The following PAPPA variants were observed in gnomAD, a reference collection of about 807,000 sequenced individuals.
PAPPA encodes pappalysin-1.
Under a neutral mutation model 164.0 loss-of-function variants are expected in PAPPA, and 60 were observed. That is an observed-to-expected ratio of 0.37 (90% CI 0.30 to 0.45). The LOEUF (loss-of-function observed/expected upper bound fraction) is 0.45, where lower values mean the gene tolerates loss of function less well. Ranked by LOEUF, PAPPA falls within the 20% of genes least tolerant of loss-of-function variation. The pLI is 1.00. For synonymous variants in PAPPA, 875 were observed against 814.1 expected (o/e 1.07, Z -1.27); for missense variants, 1,782 against 2,087.3 (o/e 0.85, Z 2.85).
At chr9:116,311,760 C>T (rs754823584) in intron 10 of PAPPA, among the ~76,000 whole-genome samples, 7 of 152,152 alleles carry the variant, frequency 4.6e-5, no homozygotes, top group East Asian at 1.9e-4. Flanking sequence ...CTACGTCTTG[C>T]GAGGCATCTA....
chr9:116,380,686 A>ACACACATG (rs1846719736), intron 20 of PAPPA, among the ~76,000 whole-genome samples: 1 of 152,236 alleles, frequency 6.6e-6, no homozygotes, highest in Non-Finnish European at 1.5e-5. Flanking sequence ...ACCTGAACCC[A>ACACACATG]CAGCCATATG....
intron 9 of PAPPA, among the ~76,000 whole-genome samples, chr9:116,295,423 G>A (rs1311319438): frequency 2.0e-5 from 3 of 151,714 alleles, no homozygotes; most frequent in East Asian, 1.9e-4. Context: ...ATGTGGTGGC[G>A]GGTGCCTGTA....
intron 2 of PAPPA, among the ~76,000 whole-genome samples, chr9:116,194,005 T>G (rs1350024349): frequency 6.6e-6 from 1 of 152,118 alleles, no homozygotes; most frequent in African/African-American, 2.4e-5. Flanking sequence ...TGGCCAGACA[T>G]GTAGTGATAA....
intron 9 of PAPPA, among the ~76,000 whole-genome samples, chr9:116,302,037 A>C (rs1218951368): frequency 1.3e-5 from 2 of 152,190 alleles, no homozygotes; most frequent in Non-Finnish European, 2.9e-5. Flanking sequence ...ATGCACTCAG[A>C]ACTTGGAAAG....
intron 7 of PAPPA, among the ~76,000 whole-genome samples, chr9:116,263,201 A>G (rs1469993526): frequency 1.3e-5 from 2 of 152,208 alleles, no homozygotes; most frequent in African/African-American, 4.8e-5. Flanking sequence ...TTTCTGTACT[A>G]ATCAAATATG....
chr9:116,281,521 G>A (rs1261067700), intron 9 of PAPPA, among the ~76,000 whole-genome samples: 1 of 152,080 alleles, frequency 6.6e-6, no homozygotes, highest in Non-Finnish European at 1.5e-5. Flanking sequence ...GGCTAAAAAG[G>A]GTGGCCAGAG....
At chr9:116,303,064 C>A in intron 10 of PAPPA, 114 bp downstream of exon 10, 1 of 758,762 alleles carries the variant, frequency 1.3e-6, no homozygotes, top group Non-Finnish European at 2.1e-6. Flanking sequence ...TTGAGCATAT[C>A]TTTATTAAAT....
chr9:116,231,823 G>A (rs144174532), intron 6 of PAPPA, among the ~76,000 whole-genome samples: 4 of 139,464 alleles, frequency 2.9e-5, no homozygotes, highest in Non-Finnish European at 4.5e-5. Context: ...GTGCAGTGGC[G>A]TAATCTCGGC....
At chr9:116,174,948 T>C (rs2118598096) in intron 1 of PAPPA, among the ~76,000 whole-genome samples, 1 of 152,314 alleles carries the variant, frequency 6.6e-6, no homozygotes, top group East Asian at 1.9e-4. Flanking sequence ...AATTTTTTTC[T>C]CTGCATTTTC....
chr9:116,310,254 G>A (rs149528826), intron 10 of PAPPA, among the ~76,000 whole-genome samples: 106 of 152,310 alleles, frequency 7.0e-4, no homozygotes, highest in African/African-American at 2.5e-3. Flanking sequence ...TTAGTGAAAT[G>A]AGAGAGCCTT....
At chr9:116,337,446 A>C (rs1333231361) in intron 13 of PAPPA, among the ~76,000 whole-genome samples, 3 of 152,198 alleles carry the variant, frequency 2.0e-5, no homozygotes, top group Non-Finnish European at 4.4e-5. Context: ...AATAAGCAAC[A>C]ACTGTAAAGA....
intron 7 of PAPPA, among the ~76,000 whole-genome samples, chr9:116,260,614 A>G (rs112155020): frequency 1.2e-3 from 188 of 152,310 alleles, no homozygotes; most frequent in African/African-American, 4.3e-3. Flanking sequence ...AGAATTTTAA[A>G]TGCTGAAGCA....
chr9:116,305,134 G>GACACACACACACACACACAC (rs57723920), intron 10 of PAPPA, among the ~76,000 whole-genome samples: 5 of 129,864 alleles, frequency 3.9e-5, no homozygotes, highest in Admixed American at 7.8e-5. Context: ...TGGGCACACA[G>GACACACACACACACACACAC]ACACACACAC....
intron 10 of PAPPA, among the ~76,000 whole-genome samples, chr9:116,307,142 CACT>C (rs1255576590): frequency 5.3e-5 from 8 of 152,186 alleles, no homozygotes; most frequent in Non-Finnish European, 7.3e-5. Flanking sequence ...AAGATTCCTG[CACT>C]AGAAGGCAGG....
Position 116,188,050 on chromosome 9 carries a change from G to A in PAPPA, c.1312G>A (p.Gly438Arg), listed in dbSNP as rs1221492857. Residue 438 changes from glycine (G) to arginine (R), a missense_variant, in exon 2 of 22, where the codon GGG (glycine) becomes AGG (arginine). This residue lies in a region of PAPPA where 1,324 missense variants were observed against 1,656.9 expected (regional missense o/e 0.80). Coordinates refer to ENST00000328252, the MANE Select transcript of PAPPA (RefSeq NM_002581.5). ...CCACACGCTGACGGGCCACGACGGC[G>A]GGGATTGCCGCCACCTGCGCCACCC... The part of the protein sequence containing the change: ...CNHTLTGHDG[G>R]DCRHLRHPAF... 3.1e-6 allele frequency: 5 copies of A among 1,614,040 alleles called. No homozygotes were observed. The highest frequency in any genetic ancestry group is 4.2e-6 in the Non-Finnish European group (5 of 1,180,050).
At chr9:116,340,506 C>G (rs998099673) in intron 13 of PAPPA, among the ~76,000 whole-genome samples, 5 of 152,180 alleles carry the variant, frequency 3.3e-5, no homozygotes, top group Non-Finnish European at 5.9e-5. Flanking sequence ...ATATCACTAC[C>G]TCAAGGAGTT....
At position 116,231,544 on chromosome 9, in the gene PAPPA, T is replaced by A. The variant is rs117296829; in HGVS notation, c.2234-3595T>A. 1.2e-3 allele frequency among the ~76,000 whole-genome samples: 177 copies of A among 152,206 alleles called. 3 individuals carry two copies. The East Asian group carries it at 0.032, about 27-fold the overall frequency. ...ACTCTCCTAACTAGTCTTGCAAGAC[T>A]AAAAGCTCCCTGAGAACAGAGATCA... On this transcript the variant is annotated intron_variant, in intron 6 of 21. Transcript: ENST00000328252.
intron 10 of PAPPA, among the ~76,000 whole-genome samples, chr9:116,328,980 T>C (rs762913868): frequency 2.0e-5 from 3 of 152,260 alleles, no homozygotes; most frequent in Non-Finnish European, 2.9e-5. Flanking sequence ...AATAAAAGTA[T>C]TAATGCTTGC....
At position 116,265,872 on chromosome 9, in the gene PAPPA, C is replaced by T; in HGVS notation, c.2748C>T (p.Gly916=). The T allele has an allele frequency of 6.3e-7, 1 of 1,599,816 alleles. No individual in the cohort carries two copies. The highest frequency in any genetic ancestry group is 8.6e-7 in the Non-Finnish European group (1 of 1,168,464). Residue 916 remains glycine, a synonymous_variant, in exon 8 of 22, where the codon GGC becomes GGT. Transcript: ENST00000328252. The stretch of plus-strand genomic sequence containing the variant: ...TATTTTCCAGGGATCTAAATCTTGG[C>T]AGTGTGTACCAGTATTGGGTCATAA... ...RKFVDMDLNL[G]SVYQYWVITI...
Sources: gnomAD v4.1 joint callset for allele counts (sites outside exome capture counted in the v4.1 genomes callset) on GRCh38, gnomAD v4.1.1 for gene constraint, gnomAD v4.1.1 regional missense constraint, MANE v1.5 for transcripts, NCBI Gene and HGNC (gene_info 2026-07-23, HGNC 2026-07-21) for gene names.